The following PTK2 variants were observed in gnomAD, a reference collection of about 807,000 sequenced individuals.
PTK2 encodes focal adhesion kinase 1.
In PTK2, 45 loss-of-function variants were observed where a neutral mutation model predicts 150.1. That is an observed-to-expected ratio of 0.30 (90% confidence interval 0.24 to 0.38). The LOEUF is 0.38. Among genes scored for constraint, PTK2 ranks in the 10% least tolerant of loss-of-function variants. The probability of loss-of-function intolerance (pLI) is 1.00; values close to 1 mark genes in which losing one functional copy is unlikely to be tolerated. For missense variants in PTK2, 919 were observed against 1,307.3 expected, an observed-to-expected ratio of 0.70 and a Z score of 4.58; for synonymous variants, 432 against 449.2, an observed-to-expected ratio of 0.96 and a Z score of 0.48.
chr8:140,884,567 G>C (rs2100151596), intron 3 of PTK2, among the ~76,000 whole-genome samples: 1 of 152,158 alleles, frequency 6.6e-6, no homozygotes, highest in Non-Finnish European at 1.5e-5. Flanking sequence ...AAAGTGTCCA[G>C]TGATGACACC....
intron 14 of PTK2, among the ~76,000 whole-genome samples, chr8:140,777,711 G>A (rs112096893): frequency 0.013 from 2,000 of 152,246 alleles, 39 homozygotes; most frequent in African/African-American, 0.045. Context: ...CTCTTGTCCC[G>A]CTCAAGCAGC....
At chr8:140,751,054 C>G (rs1057187216) in intron 17 of PTK2, among the ~76,000 whole-genome samples, 1 of 151,838 alleles carries the variant, frequency 6.6e-6, no homozygotes, top group South Asian at 2.1e-4. Context: ...GGTGACACAG[C>G]GAGACCCGAG....
chr8:140,666,986 G>C (rs2092458669), intron 30 of PTK2, among the ~76,000 whole-genome samples: 1 of 152,192 alleles, frequency 6.6e-6, no homozygotes, highest in Non-Finnish European at 1.5e-5. Flanking sequence ...TGAACTCTGA[G>C]ATACTATGCT....
chr8:140,961,056 T>C (rs1349924786), intron 1 of PTK2, among the ~76,000 whole-genome samples: 4 of 152,218 alleles, frequency 2.6e-5, no homozygotes, highest in African/African-American at 9.6e-5. Flanking sequence ...AAGCAGCAGA[T>C]ATATAGAAAA....
chr8:141,000,406 T>A (rs1441399407), intron 1 of PTK2, among the ~76,000 whole-genome samples: 1 of 152,140 alleles, frequency 6.6e-6, no homozygotes, highest in Middle Eastern at 3.2e-3. Flanking sequence ...CACCCTTGGC[T>A]GCCCGCGAGG....
Position 140,800,440 on chromosome 8 carries a change from C to T in PTK2, c.1093+19G>A, listed in dbSNP as rs554406860. 1.2e-5 allele frequency: 19 copies of T among 1,589,868 alleles called. No individual in the cohort carries two copies. In the South Asian group the frequency reaches 1.9e-4, roughly 16 times the overall value. On this transcript the variant is annotated intron_variant, in intron 12 of 31. Coordinates refer to ENST00000522684, the Ensembl canonical transcript of PTK2. ...TTTGGTAGAAGCGCAATTGGGAATG[C>T]TCAGAAACAGCACCTCACCTTTCTG...
intron 1 of PTK2, among the ~76,000 whole-genome samples, chr8:140,946,376 A>T (rs963288685): frequency 6.6e-6 from 1 of 152,198 alleles, no homozygotes; most frequent in Non-Finnish European, 1.5e-5. Context: ...CTGTTCTAGA[A>T]CTACACGAGG....
At position 140,922,952 on chromosome 8, in the gene PTK2, G is replaced by C. The variant is rs530882122; in HGVS notation, c.-33+2709C>G. Among the ~76,000 whole-genome samples the C allele has an allele frequency of 2.6e-5, 4 of 152,270 alleles. No homozygotes were observed. In the South Asian group the frequency reaches 8.3e-4, roughly 32 times the overall value. On this transcript the variant is annotated intron_variant, in intron 2 of 31. Transcript: ENST00000522684. ...AGTGGTGTAAGCACAGGGTGGTGGT[G>C]ACTGGAGCTAATGCAGTCGCAGTGA...
intron 4 of PTK2, among the ~76,000 whole-genome samples, chr8:140,866,376 G>C (rs955636676): frequency 3.3e-5 from 5 of 152,160 alleles, no homozygotes; most frequent in African/African-American, 9.7e-5. Context: ...TGATGCTGCT[G>C]GTGATCATCA....
At chr8:140,970,811 C>T (rs1385983631) in intron 1 of PTK2, among the ~76,000 whole-genome samples, 7 of 151,986 alleles carry the variant, frequency 4.6e-5, no homozygotes, top group Admixed American at 4.6e-4. Context: ...AAATGGCTCT[C>T]CATCTTATGT....
chr8:140,670,472 A>C (rs1233864315), intron 29 of PTK2, among the ~76,000 whole-genome samples: 1 of 79,696 alleles, frequency 1.3e-5, no homozygotes, highest in East Asian at 3.3e-4. Flanking sequence ...AAAAAAAAAA[A>C]AAAAAAAAAA....
intron 1 of PTK2, among the ~76,000 whole-genome samples, chr8:140,966,373 G>T (rs949268740): frequency 1.3e-5 from 2 of 152,188 alleles, no homozygotes; most frequent in Admixed American, 6.5e-5. Flanking sequence ...AGTTAAAGGA[G>T]AATTTAAGCA....
At chr8:140,684,167 T>G (rs1418620349) in intron 27 of PTK2, among the ~76,000 whole-genome samples, 1 of 152,198 alleles carries the variant, frequency 6.6e-6, no homozygotes, top group Non-Finnish European at 1.5e-5. Flanking sequence ...CCCAATCATT[T>G]TGGCACCAGG....
chr8:140,718,993 T>C (rs748158242), intron 22 of PTK2, among the ~76,000 whole-genome samples: 14 of 151,926 alleles, frequency 9.2e-5, no homozygotes, highest in Non-Finnish European at 1.8e-4. Flanking sequence ...CTGGCCAACA[T>C]AGTGAAACCC....
chr8:140,982,514 T>C (rs548453546), intron 1 of PTK2, among the ~76,000 whole-genome samples: 2 of 152,160 alleles, frequency 1.3e-5, no homozygotes, highest in African/African-American at 4.8e-5. Context: ...GGAGAATCGC[T>C]TGAACCCGGG....
At chr8:140,794,575 T>G (rs879103142) in intron 12 of PTK2, among the ~76,000 whole-genome samples, 2 of 152,168 alleles carry the variant, frequency 1.3e-5, no homozygotes, top group Admixed American at 6.5e-5. Flanking sequence ...TCATTTACAG[T>G]TAGCACTTAA....
chr8:140,878,318 G>T (rs114573116), intron 4 of PTK2, among the ~76,000 whole-genome samples: 255 of 152,262 alleles, frequency 1.7e-3, no homozygotes, highest in African/African-American at 5.9e-3. Context: ...GATTTATTCA[G>T]GCTGGGCATG....
intron 14 of PTK2, among the ~76,000 whole-genome samples, chr8:140,787,244 A>G (rs1240126929): frequency 6.6e-6 from 1 of 152,234 alleles, no homozygotes; most frequent in East Asian, 1.9e-4. Context: ...GCCAGACATT[A>G]GAGTTTGAAT....
chr8:140,831,571 A>G (rs1052407688), intron 7 of PTK2, among the ~76,000 whole-genome samples: 2 of 152,238 alleles, frequency 1.3e-5, no homozygotes, highest in African/African-American at 4.8e-5. Flanking sequence ...TCTAACTGCT[A>G]GTAGTTCCTA....
Sources: allele counts gnomAD v4.1 joint callset (sites outside exome capture counted in the v4.1 genomes callset), GRCh38; gene constraint gnomAD v4.1.1; transcripts MANE v1.5; gene names NCBI Gene and HGNC (gene_info 2026-07-23, HGNC 2026-07-21).